Variants in AOC3 observed in about 807,000 individuals in gnomAD.
The protein encoded by AOC3 is amine oxidase copper containing 3.
A neutral mutation model predicts 55.4 loss-of-function variants in AOC3; 47 were observed. That is an observed-to-expected ratio of 0.85 (90% CI 0.67 to 1.08). The LOEUF (loss-of-function observed/expected upper bound fraction) is 1.08. Ranked by LOEUF, AOC3 falls within the 50% of genes least tolerant of loss-of-function variation. The pLI, the probability that AOC3 is intolerant of heterozygous loss-of-function variation, is 0.00. For missense variants in AOC3, 853 were observed against 993.1 expected (o/e 0.86, Z 1.90); for synonymous variants, 386 against 410.7 (o/e 0.94, Z 0.73).
intron 2 of AOC3, 75 bp from the exon 3 acceptor site, chr17:42,855,369 C>G (rs1051134387): frequency 1.9e-6 from 3 of 1,546,232 alleles, no homozygotes; most frequent in African/African-American, 1.4e-5. Context: ...GCTCTGAGCA[C>G]TCAGTTCCCT....
Position 42,856,739 on chromosome 17 carries a change from G to C in AOC3, c.*189G>C. Reference sequence around the variant, plus strand: ...TGACCCTGTGATGCCTGACACAGGGGACACTGAACCTTGTTGATGCCAGCT... The same window carrying C: ...TGACCCTGTGATGCCTGACACAGGGCACACTGAACCTTGTTGATGCCAGCT... On this transcript the variant is annotated 3_prime_UTR_variant, in exon 4 of 4. Transcript: ENST00000308423. 1 of 670,432 alleles carries C rather than the reference G, an allele frequency of 1.5e-6. No individual in the cohort carries two copies. The highest frequency in any genetic ancestry group is 2.7e-5 in the East Asian group (1 of 36,774). The allele number at this position is 670,432 out of a possible 1,614,324, so 41.5% of individuals were successfully genotyped here. A position where few individuals can be genotyped will look rare whatever the true frequency, so the allele number is the denominator to read the frequency against.
chr17:42,851,582 G>C lies in AOC3; in HGVS notation c.239G>C (p.Gly80Ala). 1 of 1,613,406 alleles carries C rather than the reference G, an allele frequency of 6.2e-7. No homozygotes were observed. Among genetic ancestry groups the C allele is most frequent in the Non-Finnish European group, 8.5e-7 (1 of 1,179,964 alleles). ...AVMRFLTQRL[G>A]PGLVDAAQAR... ...ATGCGCTTTCTGACCCAGCGGCTGG[G>C]GCCAGGGCTGGTGGATGCAGCCCAG... The change falls in exon 1 of 4, where the codon GGG becomes GCG. Residue 80 changes from glycine to alanine, a missense_variant. Gly to Ala is a moderately conservative substitution (Grantham distance 60). Transcript: ENST00000308423.
Position 42,852,542 on chromosome 17 carries a change from G to C in AOC3, c.1199G>C (p.Arg400Pro). 6.2e-7 allele frequency: 1 copy of C among 1,614,196 alleles called. No individual in the cohort carries two copies. Among genetic ancestry groups the C allele is most frequent in the Non-Finnish European group, 8.5e-7 (1 of 1,180,042 alleles). The change falls in exon 1 of 4, where the codon CGT (arginine) becomes CCT (proline). Residue 400 changes from arginine (R) to proline (P), a missense_variant. Arg to Pro is a moderately radical substitution (Grantham distance 103). Coordinates refer to ENST00000308423, the MANE Select transcript of AOC3 (RefSeq NM_003734.4). ...GMGKYTTPLT[R>P]GVDCPYLATY... ...GGCAAGTACACCACGCCCCTGACCC[G>C]TGGGGTGGACTGCCCCTACTTGGCC...
Position 42,856,375 on chromosome 17 carries a change from G to A in AOC3, c.2117G>A (p.Arg706Gln), listed in dbSNP as rs188308793. The change falls in exon 4 of 4, where the codon CGA (arginine) becomes CAA (glutamine). Residue 706 changes from arginine to glutamine, a missense_variant. By Grantham distance (43) the Arg-to-Gln change is conservative. Coordinates refer to ENST00000308423, the MANE Select transcript of AOC3 (RefSeq NM_003734.4). Reference sequence around the variant, plus strand: ...GGGAACGGCGTGGGCTTCTTCCTCCGACCCTATAACTTCTTTGACGAAGAC... The same window carrying A: ...GGGAACGGCGTGGGCTTCTTCCTCCAACCCTATAACTTCTTTGACGAAGAC... ...TVGNGVGFFL[R>Q]PYNFFDEDPS... 3.2e-5 allele frequency: 52 copies of A among 1,614,110 alleles called. No individual in the cohort carries two copies. The Admixed American group carries it at 7.0e-4, about 22-fold the overall frequency.
chr17:42,853,974 G>C (rs951768074), intron 1 of AOC3: 2 of 153,116 alleles, frequency 1.3e-5, no homozygotes, highest in African/African-American at 4.8e-5. Flanking sequence ...TCTCTGCTTA[G>C]AATGTCCTTC....
chr17:42,855,267 G>A (rs942131145), intron 2 of AOC3, among the ~76,000 whole-genome samples, 177 bp from the exon 3 acceptor site: 5 of 152,208 alleles, frequency 3.3e-5, no homozygotes, highest in Non-Finnish European at 7.3e-5. Flanking sequence ...TTAAATGGCT[G>A]GGGATAAACA....
chr17:42,852,991 G>T, intron 1 of AOC3, 48 bp downstream of exon 1: 1 of 1,576,056 alleles, frequency 6.3e-7, no homozygotes, highest in Non-Finnish European at 8.7e-7. Context: ...GGGCTGAAAA[G>T]TTGTTTCCAT....
chr17:42,855,660 G>A (rs1567692132), intron 3 of AOC3, 87 bp downstream of exon 3: 1 of 1,570,368 alleles, frequency 6.4e-7, no homozygotes, highest in Non-Finnish European at 8.7e-7. Flanking sequence ...CTCAGGGGTG[G>A]TGCTGATTCC....
rs2055698206 is a variant in AOC3 at position 42,853,017 on chromosome 17, T to C, written c.1600+74T>C. ...TTGTTTCCATTAGCTTTGGGTTTTATGTAGATTATCCCAGAAAGGAAGACG... is the reference window on the plus strand; with the variant it reads ...TTGTTTCCATTAGCTTTGGGTTTTACGTAGATTATCCCAGAAAGGAAGACG... On this transcript the variant is annotated intron_variant, in intron 1 of 3. Coordinates refer to ENST00000308423, the MANE Select transcript of AOC3 (RefSeq NM_003734.4). 16 of 1,520,104 alleles carry C rather than the reference T, an allele frequency of 1.1e-5. No individual in the cohort carries two copies. In the Middle Eastern group the frequency reaches 7.0e-4, roughly 66 times the overall value. The allele number at this position is 1,520,104 out of a possible 1,614,324, so 94.2% of individuals were successfully genotyped here.
chr17:42,852,763 G>T lies in AOC3; in HGVS notation c.1420G>T (p.Val474Leu), dbSNP rs767852717. 1.2e-6 allele frequency: 2 copies of T among 1,614,128 alleles called. No individual in the cohort carries two copies. Among genetic ancestry groups the T allele is most frequent in the South Asian group, 1.1e-5 (1 of 91,078 alleles). The change falls in exon 1 of 4, where the codon GTG becomes TTG. Residue 474 changes from valine (V) to leucine (L), a missense_variant. Coordinates refer to ENST00000308423, the MANE Select transcript of AOC3 (RefSeq NM_003734.4). ...SMSTLLNYDYVWDTVFHPSGA... is the reference protein window; with the variant it reads ...SMSTLLNYDYLWDTVFHPSGA... ...GTCCACCTTGCTCAACTATGACTAT[G>T]TGTGGGATACGGTCTTCCACCCCAG... is the stretch of plus-strand genomic sequence containing the variant.
Position 42,851,744 on chromosome 17 carries a change from C to T in AOC3, c.401C>T (p.Pro134Leu). 1 of 1,612,366 alleles carries T rather than the reference C, an allele frequency of 6.2e-7. No homozygotes were observed. Among genetic ancestry groups the T allele is most frequent in the Admixed American group, 1.7e-5 (1 of 59,940 alleles). Residue 134 changes from proline to leucine, a missense_variant, in exon 1 of 4, where the codon CCC becomes CTC. Transcript: ENST00000308423. ...GCCATCGTCTTCTTTGGCAGGCAAC[C>T]CCAGCCCAACGTGAGTGAGCTGGTG... ...ALAIVFFGRQ[P>L]QPNVSELVVG...
In AOC3 at chr17:42,852,960, G is replaced by A. The variant is rs771261284; in HGVS notation, c.1600+17G>A. On this transcript the variant is annotated intron_variant, in intron 1 of 3. Coordinates refer to ENST00000308423, the MANE Select transcript of AOC3 (RefSeq NM_003734.4). The stretch of plus-strand genomic sequence containing the variant: ...ATGTAGCAGGTAAGACATTTTGGTG[G>A]GGAGAAGGCTTCTGGAAGAAGGGCT... The A allele has an allele frequency of 1.3e-6, 2 of 1,592,622 alleles. No individual in the cohort carries two copies. Among genetic ancestry groups the A allele is most frequent in the Admixed American group, 3.4e-5 (2 of 59,512 alleles).
Position 42,856,557 on chromosome 17 carries a change from C to G in AOC3, c.*7C>G. On this transcript the variant is annotated 3_prime_UTR_variant, in exon 4 of 4. Transcript: ENST00000308423. ...GGGCTTCTCTCACAACTAGGCGGTC[C>G]TGGGATGGGGCATGTGGCCAAGGGC... 6.4e-7 allele frequency: 1 copy of G among 1,563,584 alleles called. No individual in the cohort carries two copies.
intron 2 of AOC3, 144 bp from the exon 3 acceptor site, chr17:42,855,300 G>A: frequency 9.0e-7 from 1 of 1,111,608 alleles, no homozygotes; most frequent in South Asian, 1.5e-5. Context: ...CCCCCTTAGG[G>A]TGACGTCGGG....
In AOC3 at chr17:42,855,707, T is replaced by TC. The variant is rs1471067504; in HGVS notation, c.2016+134_2016+135insC. The TC allele has an allele frequency of 2.4e-6, 3 of 1,270,734 alleles. No individual in the cohort carries two copies. The African/African-American group carries it at 4.4e-5, about 19-fold the overall frequency. The allele number at this position is 1,270,734 out of a possible 1,614,324, so 78.7% of individuals were successfully genotyped here. ...CTTCAGTATATCTGATCATTATCCT[T>TC]TGAGGGAACCTTCCTGAGCTGGGTG... On this transcript the variant is annotated intron_variant, in intron 3 of 3. Coordinates refer to ENST00000308423, the MANE Select transcript of AOC3 (RefSeq NM_003734.4).
chr17:42,856,154 C>T lies in AOC3; in HGVS notation c.2017-121C>T, dbSNP rs143424165. On this transcript the variant is annotated intron_variant, in intron 3 of 3. Transcript: ENST00000308423. ...GAAATGGACTACTTATGCTTTGACTCCTACCCAGCAGGAAAAAATGTTTAA... is the reference window on the plus strand; with the variant it reads ...GAAATGGACTACTTATGCTTTGACTTCTACCCAGCAGGAAAAAATGTTTAA... The T allele has an allele frequency of 1.1e-4, 143 of 1,285,512 alleles. No homozygotes were observed. In the African/African-American group the frequency reaches 1.9e-3, roughly 17 times the overall value. The allele number at this position is 1,285,512 out of a possible 1,614,324, so 79.6% of individuals were successfully genotyped here.
At chr17:42,854,382 G>T in intron 1 of AOC3, 66 bp from the exon 2 acceptor site, 2 of 1,382,894 alleles carry the variant, frequency 1.4e-6, no homozygotes, top group Non-Finnish European at 1.9e-6. Context: ...GAAGCCAGAT[G>T]GGGGCAGAGT....
At chr17:42,853,092 A>G in intron 1 of AOC3, 149 bp downstream of exon 1, 1 of 1,339,726 alleles carries the variant, frequency 7.5e-7, no homozygotes, top group South Asian at 1.6e-5. Flanking sequence ...TTGGCTGCTG[A>G]GTTTTATTTG....
At chr17:42,854,839 GCTTTT>G (rs1337290753) in intron 2 of AOC3, 106 bp downstream of exon 2, 5 of 1,124,010 alleles carry the variant, frequency 4.4e-6, no homozygotes, top group Non-Finnish European at 5.7e-6. Context: ...TCTCAGGAAG[GCTTTT>G]CTTTTCCTTT....
Sources: gnomAD v4.1 joint callset for allele counts (sites outside exome capture counted in the v4.1 genomes callset) on GRCh38, gnomAD v4.1.1 for gene constraint, MANE v1.5 for transcripts, NCBI Gene and HGNC (gene_info 2026-07-23, HGNC 2026-07-21) for gene names.